The following FA2H variants were observed in gnomAD, a reference collection of about 807,000 sequenced individuals.
FA2H encodes the protein fatty acid alpha-hydroxylase.
Under a neutral mutation model 44.9 loss-of-function variants are expected in FA2H, and 22 were observed. The ratio of observed to expected loss-of-function variants is 0.49; its 90% CI spans 0.35 to 0.70. The LOEUF is 0.70. Among genes scored for constraint, FA2H ranks in the 30% least tolerant of loss-of-function variants. FA2H has a pLI of 0.01. For missense variants in FA2H, 501 were observed against 504.9 expected (o/e 0.99, Z 0.07); for synonymous variants, 243 against 213.2 (o/e 1.14, Z -1.22).
chr16:74,749,339 C>T (rs1285944810), intron 1 of FA2H, among the ~76,000 whole-genome samples: 2 of 152,280 alleles, frequency 1.3e-5, no homozygotes, highest in East Asian at 3.9e-4. Flanking sequence ...AGTGAGAAGC[C>T]TCAGAACCCC....
intron 3 of FA2H, 90 bp downstream of exon 3, chr16:74,727,154 G>T: frequency 6.5e-7 from 1 of 1,549,292 alleles, no homozygotes; most frequent in Non-Finnish European, 8.9e-7. Flanking sequence ...GGGCTCTGGG[G>T]AGGGACTCAA....
At chr16:74,766,457 T>C (rs1332191816) in intron 1 of FA2H, among the ~76,000 whole-genome samples, 1 of 152,136 alleles carries the variant, frequency 6.6e-6, no homozygotes, top group Admixed American at 6.6e-5. Context: ...TTAAGGGATA[T>C]GGCAATAGGG....
In FA2H at chr16:74,722,911, CAAAAAAAA is replaced by C. The variant is rs554074212; in HGVS notation, c.613+3306_613+3313del. Among the ~76,000 whole-genome samples the C allele has an allele frequency of 7.1e-5, 8 of 112,220 alleles. No individual in the cohort carries two copies. In the East Asian group the frequency reaches 1.8e-3, roughly 25 times the overall value. The allele number at this position is 112,220 out of a possible 152,430, so 73.6% of individuals were successfully genotyped here. A position where few individuals can be genotyped will look rare whatever the true frequency, so the allele number is the denominator to read the frequency against. On this transcript the variant is annotated intron_variant, in intron 4 of 6. Coordinates refer to ENST00000219368, the MANE Select transcript of FA2H (RefSeq NM_024306.5). The stretch of plus-strand genomic sequence containing the variant: ...GGGCAATAAGAGTGAAACTCCATCT[CAAAAAAAA>C]AAAAAAAAAAAAAAATCTGTCTTCT...
Position 74,740,194 on chromosome 16 carries a change from G to A in FA2H, c.271-79C>T, listed in dbSNP as rs1005693923. The stretch of plus-strand genomic sequence containing the variant: ...GAGCCCCGAGCTGCCCCGAGAAGAG[G>A]CAGCCAGGAGTGGTGAGAGCCCCGT... On this transcript the variant is annotated intron_variant, in intron 1 of 6. Transcript: ENST00000219368. 111 of 1,177,644 alleles carry A rather than the reference G, an allele frequency of 9.4e-5. No individual in the cohort carries two copies. In the African/African-American group the frequency reaches 1.3e-3, roughly 14 times the overall value. The allele number at this position is 1,177,644 out of a possible 1,614,324, so 72.9% of individuals were successfully genotyped here.
In FA2H at chr16:74,719,104, A is replaced by C; in HGVS notation, c.670T>G (p.Phe224Val). Residue 224 changes from phenylalanine (F) to valine (V), a missense_variant, in exon 5 of 7, where the codon TTC becomes GTC. Transcript: ENST00000219368. ...AGGTACTCGATGAGGCTCCAGAGGA[A>C]TGTCCCCAGCATGAAGAGCCCGGGG... ...MFPGLFMLGT[F>V]LWSLIEYLIH... 3.1e-6 allele frequency: 5 copies of C among 1,613,990 alleles called. No homozygotes were observed. The highest frequency in any genetic ancestry group is 4.2e-6 in the Non-Finnish European group (5 of 1,180,012).
chr16:74,719,068 A>C lies in FA2H; in HGVS notation c.706T>G (p.Phe236Val). The C allele has an allele frequency of 1.2e-6, 2 of 1,614,056 alleles. No homozygotes were observed. Among genetic ancestry groups the C allele is most frequent in the Non-Finnish European group, 1.7e-6 (2 of 1,180,024 alleles). ...CTGGGGGGCTTCATGTGGAACAGGA[A>C]GCGGTGGATGAGGTACTCGATGAGG... ...WSLIEYLIHR[F>V]LFHMKPPSDS... is the part of the protein sequence containing the mutation. The change falls in exon 5 of 7, where the codon TTC becomes GTC. Residue 236 changes from phenylalanine (F) to valine (V), a missense_variant. Phe to Val is a conservative substitution (Grantham distance 50). Transcript: ENST00000219368.
chr16:74,749,851 G>A (rs61146744), intron 1 of FA2H, among the ~76,000 whole-genome samples: 4,343 of 152,238 alleles, frequency 0.029, 125 homozygotes, highest in African/African-American at 0.076. Context: ...AATGCACTGA[G>A]TCAGGGAGAC....
In FA2H at chr16:74,718,980, C is replaced by A. The variant is rs757972119; in HGVS notation, c.786+8G>T. 18 of 1,613,358 alleles carry A rather than the reference C, an allele frequency of 1.1e-5. No individual in the cohort carries two copies. The South Asian group carries it at 2.0e-4, about 18-fold the overall frequency. On this transcript the variant is annotated splice_region_variant and intron_variant, in intron 5 of 6. Coordinates refer to ENST00000219368, the MANE Select transcript of FA2H (RefSeq NM_024306.5). ...GCTAGGTCCGGGCTGGGACCCCGCC[C>A]CGCTCACCTTGTGGTGCTGGCCGTG...
At chr16:74,743,528 G>C (rs557134430) in intron 1 of FA2H, among the ~76,000 whole-genome samples, 3 of 152,342 alleles carry the variant, frequency 2.0e-5, no homozygotes, top group Admixed American at 2.0e-4. Context: ...CCCGCACAGA[G>C]GGGCCAGGGA....
intron 1 of FA2H, among the ~76,000 whole-genome samples, chr16:74,755,605 G>A (rs756927378): frequency 6.6e-5 from 10 of 152,122 alleles, no homozygotes; most frequent in Non-Finnish European, 1.3e-4. Flanking sequence ...TTTCCACAGG[G>A]TAACTACTTA....
chr16:74,752,826 G>A (rs888440692), intron 1 of FA2H, among the ~76,000 whole-genome samples: 1 of 152,190 alleles, frequency 6.6e-6, no homozygotes, highest in Non-Finnish European at 1.5e-5. Context: ...AGTGTCCTGG[G>A]TATAGTGCTG....
At chr16:74,714,729 C>G (rs1333406814) in intron 6 of FA2H, among the ~76,000 whole-genome samples, 2 of 152,088 alleles carry the variant, frequency 1.3e-5, no homozygotes, top group East Asian at 3.8e-4. Flanking sequence ...CTACTGAGCA[C>G]TAGAAATGTG....
chr16:74,756,347 A>C (rs1300155073), intron 1 of FA2H, among the ~76,000 whole-genome samples: 2 of 152,102 alleles, frequency 1.3e-5, no homozygotes, highest in Middle Eastern at 3.4e-3. Context: ...CTACTATTCC[A>C]TCACTGCTTG....
chr16:74,725,617 G>C (rs1417083264), intron 4 of FA2H, among the ~76,000 whole-genome samples: 2 of 152,316 alleles, frequency 1.3e-5, no homozygotes, highest in South Asian at 2.1e-4. Context: ...TCTAAAAGGG[G>C]ATAATGACAG....
At chr16:74,730,905 T>C (rs1486704672) in intron 2 of FA2H, among the ~76,000 whole-genome samples, 3 of 152,192 alleles carry the variant, frequency 2.0e-5, no homozygotes, top group Non-Finnish European at 2.9e-5. Context: ...CGCCCAGTTA[T>C]GTCTCCTTGA....
intron 4 of FA2H, among the ~76,000 whole-genome samples, chr16:74,720,702 G>A (rs1431990664): frequency 5.3e-5 from 8 of 151,900 alleles, no homozygotes; most frequent in Non-Finnish European, 1.2e-4. Flanking sequence ...TCACTTCCCC[G>A]CCAAGCCCCT....
chr16:74,761,719 A>G (rs1962715437), intron 1 of FA2H, among the ~76,000 whole-genome samples: 1 of 152,168 alleles, frequency 6.6e-6, no homozygotes. Flanking sequence ...TCTCTCTTTG[A>G]TGGTTAGAGG....
At chr16:74,720,116 C>A (rs2144607862) in intron 4 of FA2H, among the ~76,000 whole-genome samples, 1 of 143,656 alleles carries the variant, frequency 7.0e-6, no homozygotes, top group South Asian at 2.3e-4. Context: ...CCACCTCATT[C>A]ATTCTTTGAC....
Position 74,764,260 on chromosome 16 carries a change from C to T in FA2H, c.270+10226G>A, listed in dbSNP as rs191903042. Among the ~76,000 whole-genome samples the T allele has an allele frequency of 3.5e-3, 538 of 152,242 alleles. 2 individuals are homozygous for T. The highest frequency in any genetic ancestry group is 6.6e-3 in the Non-Finnish European group (449 of 68,020). ...TATAAATCATTCCATCACAAAGACA[C>T]ATGTACATGTATGTTCATTGCAGCA... On this transcript the variant is annotated intron_variant, in intron 1 of 6. Coordinates refer to ENST00000219368, the MANE Select transcript of FA2H (RefSeq NM_024306.5).
Sources: gnomAD v4.1 joint callset for allele counts (sites outside exome capture counted in the v4.1 genomes callset) on GRCh38, gnomAD v4.1.1 for gene constraint, MANE v1.5 for transcripts, NCBI Gene and HGNC (gene_info 2026-07-23, HGNC 2026-07-21) for gene names.